The following FMNL3 variants were observed in gnomAD, a reference collection of about 807,000 sequenced individuals.
The protein encoded by FMNL3 is formin like 3.
A neutral mutation model predicts 119.6 loss-of-function variants in FMNL3; 57 were observed. That is an observed-to-expected ratio of 0.48 (90% CI 0.39 to 0.59). The LOEUF (loss-of-function observed/expected upper bound fraction) is 0.59, where lower values mean the gene tolerates loss of function less well. FMNL3 is among the 20% of genes least tolerant of loss of function. FMNL3 has a pLI of 0.00. For missense variants in FMNL3, 1,053 were observed against 1,323.5 expected (o/e 0.80, Z 3.17); for synonymous variants, 491 against 507.3 (o/e 0.97, Z 0.43).
Position 49,651,927 on chromosome 12 carries a change from G to C in FMNL3, c.1603+6C>G, listed in dbSNP as rs766208583. On this transcript the variant is annotated splice_donor_region_variant and intron_variant, in intron 14 of 25. Transcript: ENST00000335154. ...CCTGTTGGCTCCCAGGGGTCGTCGT[G>C]GTTACCTGGTAATGGGGGAGGTGGA... 16 of 1,579,334 alleles carry C rather than the reference G, an allele frequency of 1.0e-5. No homozygotes were observed. The Admixed American group carries it at 2.8e-4, about 28-fold the overall frequency.
intron 1 of FMNL3, among the ~76,000 whole-genome samples, chr12:49,684,724 A>G (rs1309959828): frequency 6.6e-6 from 1 of 152,210 alleles, no homozygotes; most frequent in Non-Finnish European, 1.5e-5. Flanking sequence ...CTATTGGACC[A>G]TCAATCTGGA....
At chr12:49,662,486 T>G (rs1327572543) in intron 4 of FMNL3, among the ~76,000 whole-genome samples, 1 of 152,122 alleles carries the variant, frequency 6.6e-6, no homozygotes, top group African/African-American at 2.4e-5. Flanking sequence ...GAAGCCTCAG[T>G]CAAGACCCCA....
intron 1 of FMNL3, among the ~76,000 whole-genome samples, chr12:49,705,573 C>T (rs1349477733): frequency 3.9e-5 from 6 of 152,170 alleles, no homozygotes; most frequent in African/African-American, 9.7e-5. Flanking sequence ...GTGCAGATCC[C>T]CTCCCACTCT....
In FMNL3 at chr12:49,639,018, A is replaced by G. The variant is rs996106233; in HGVS notation, c.*6797T>C. On this transcript the variant is annotated 3_prime_UTR_variant, in exon 26 of 26. Transcript: ENST00000335154. Reference sequence around the variant, plus strand: ...AATTACTTACCATTAGGTAAGATGTATCATACTGTCCTGAGGTATCCTCTC... The same window carrying G: ...AATTACTTACCATTAGGTAAGATGTGTCATACTGTCCTGAGGTATCCTCTC... 3.9e-4 allele frequency: 60 copies of G among 152,368 alleles called. No homozygotes were observed. The highest frequency in any genetic ancestry group is 1.4e-3 in the African/African-American group (58 of 41,590). The allele number at this position is 152,368 out of a possible 1,614,324, so 9.4% of individuals were successfully genotyped here.
In FMNL3 at chr12:49,649,223, C is replaced by T. The variant is rs764731396; in HGVS notation, c.2385+36G>A. On this transcript the variant is annotated intron_variant, in intron 20 of 25. Coordinates refer to ENST00000335154, the MANE Select transcript of FMNL3 (RefSeq NM_175736.5). This position sits in a 1 kb window ranked among gnomAD's most constrained non-coding sequence, Gnocchi z 5.6. ...CTCTGGCTCCACAACTGCTGCCCCC[C>T]AGGCTTCCTGGCCCACGCTGCCCTC... 6.2e-7 allele frequency: 1 copy of T among 1,613,702 alleles called. No homozygotes were observed. The highest frequency in any genetic ancestry group is 1.1e-5 in the South Asian group (1 of 91,014).
chr12:49,654,882 T>C (rs775018259), intron 10 of FMNL3, 28 bp downstream of exon 10: 1 of 1,609,038 alleles, frequency 6.2e-7, no homozygotes, highest in Non-Finnish European at 8.5e-7. Flanking sequence ...CTGGTGGGTA[T>C]GTGCTGGACC....
At position 49,645,845 on chromosome 12, in the gene FMNL3, A is replaced by T; in HGVS notation, c.3054T>A (p.Ser1018Arg). ...RHQARSAAPP[S>R]GPPRAPGPH is the part of the protein sequence containing the mutation. ...GGGGGCCTGGAGCCCGAGGGGGACC[A>T]CTGGGCGGTGCAGCACTCCTGGCTT... Residue 1018 changes from serine (S) to arginine (R), a missense_variant, in exon 26 of 26, where the codon AGT becomes AGA. This residue lies in a region of FMNL3 where 324 missense variants were observed against 380.9 expected (regional missense o/e 0.85). Coordinates refer to ENST00000335154, the MANE Select transcript of FMNL3 (RefSeq NM_175736.5). 1 of 1,606,752 alleles carries T rather than the reference A, an allele frequency of 6.2e-7. No homozygotes were observed. Among genetic ancestry groups the T allele is most frequent in the Non-Finnish European group, 8.5e-7 (1 of 1,177,564 alleles).
At position 49,643,267 on chromosome 12, in the gene FMNL3, G is replaced by A; in HGVS notation, c.*2548C>T. 6.2e-7 allele frequency: 1 copy of A among 1,614,014 alleles called. No individual in the cohort carries two copies. Among genetic ancestry groups the A allele is most frequent in the Non-Finnish European group, 8.5e-7 (1 of 1,179,996 alleles). ...AGGAGCTGCCCCCACCATCTCTCCG[G>A]CCCCCCAAGCGGAGGAGGCGGAACC... On this transcript the variant is annotated 3_prime_UTR_variant, in exon 26 of 26. Transcript: ENST00000335154.
In FMNL3 at chr12:49,657,099, C is replaced by A; in HGVS notation, c.697G>T (p.Ala233Ser). ...DVHVCILCLR[A>S]IMNYQYGFNL... is the part of the protein sequence containing the mutation. ...CCCCTTACCTGATAGTTCATGATGG[C>A]TCTGAGACAAAGGATACAGACGTGG... is the stretch of plus-strand genomic sequence containing the variant. The change falls in exon 7 of 26, where the codon GCC (alanine) becomes TCC (serine). Residue 233 changes from alanine (A) to serine (S), a missense_variant. This residue lies in a region of FMNL3 where 445 missense variants were observed against 628.4 expected (regional missense o/e 0.71). Coordinates refer to ENST00000335154, the MANE Select transcript of FMNL3 (RefSeq NM_175736.5). 2.5e-6 allele frequency: 4 copies of A among 1,614,150 alleles called. No homozygotes were observed. The highest frequency in any genetic ancestry group is 3.4e-6 in the Non-Finnish European group (4 of 1,180,016).
chr12:49,682,321 C>T (rs895166359), intron 1 of FMNL3, among the ~76,000 whole-genome samples: 2 of 151,552 alleles, frequency 1.3e-5, no homozygotes, highest in South Asian at 2.1e-4. Context: ...CCACCTGCCT[C>T]GGCCTCCCAA....
At chr12:49,671,273 G>C (rs530793763) in intron 1 of FMNL3, among the ~76,000 whole-genome samples, 1 of 152,372 alleles carries the variant, frequency 6.6e-6, no homozygotes, top group African/African-American at 2.4e-5. Context: ...GCACAGCAGG[G>C]ACCTGGTCAA....
chr12:49,682,613 T>C (rs575252396), intron 1 of FMNL3, among the ~76,000 whole-genome samples: 135 of 152,312 alleles, frequency 8.9e-4, no homozygotes, highest in African/African-American at 3.1e-3. Context: ...TCCCAAAACA[T>C]TGAAATCACA....
intron 1 of FMNL3, among the ~76,000 whole-genome samples, chr12:49,690,806 G>A (rs951761707): frequency 1.4e-4 from 22 of 152,262 alleles, no homozygotes; most frequent in African/African-American, 5.1e-4. Flanking sequence ...GGAGCTGGGC[G>A]CAGTGCCAGC....
At position 49,647,849 on chromosome 12, in the gene FMNL3, A is replaced by C; in HGVS notation, c.2677-45T>G. 3 of 1,464,220 alleles carry C rather than the reference A, an allele frequency of 2.0e-6. No individual in the cohort carries two copies. The highest frequency in any genetic ancestry group is 2.9e-6 in the Non-Finnish European group (3 of 1,045,328). The allele number at this position is 1,464,220 out of a possible 1,614,324, so 90.7% of individuals were successfully genotyped here. A position where few individuals can be genotyped will look rare whatever the true frequency, so the allele number is the denominator to read the frequency against. ...AATGGGTCACCCTGGCAGGAAGATC[A>C]GCCCAGCTCCCACACCACGGATGAG... On this transcript the variant is annotated intron_variant, in intron 22 of 25. Coordinates refer to ENST00000335154, the MANE Select transcript of FMNL3 (RefSeq NM_175736.5). This position sits in a 1 kb window ranked among gnomAD's most constrained non-coding sequence, Gnocchi z 4.9.
rs1337286004 is a variant in FMNL3 at position 49,643,134 on chromosome 12, T to A, written c.*2681A>T. 30 of 1,588,088 alleles carry A rather than the reference T, an allele frequency of 1.9e-5. No homozygotes were observed. Among genetic ancestry groups the A allele is most frequent in the Non-Finnish European group, 2.6e-5 (30 of 1,159,974 alleles). The stretch of plus-strand genomic sequence containing the variant: ...GGAAGTTTGAGGATTCCTTTGGCCC[T>A]GGGTCCTCCTCCTCTCTCGAATTCC... On this transcript the variant is annotated 3_prime_UTR_variant, in exon 26 of 26. Transcript: ENST00000335154.
At position 49,651,421 on chromosome 12, in the gene FMNL3, C is replaced by G; in HGVS notation, c.1633G>C (p.Gly545Arg). Residue 545 changes from glycine (G) to arginine (R), a missense_variant, in exon 15 of 26, where the codon GGT (glycine) becomes CGT (arginine). This residue lies in a region of FMNL3 where 445 missense variants were observed against 628.4 expected (regional missense o/e 0.71). Transcript: ENST00000335154. ...DKCPPAPPLP[G>R]AAPSVVLTVG... The stretch of plus-strand genomic sequence containing the variant: ...GTCAACACCACAGAGGGTGCAGCAC[C>G]AGGGAGAGGTGGGGCTGGGGGACAC... The G allele has an allele frequency of 6.7e-7, 1 of 1,503,626 alleles. No individual in the cohort carries two copies. The highest frequency in any genetic ancestry group is 2.3e-5 in the East Asian group (1 of 43,204). 93.1% of individuals were successfully genotyped at this position (1,503,626 alleles called of 1,614,324 possible).
intron 1 of FMNL3, among the ~76,000 whole-genome samples, chr12:49,675,118 G>A (rs978611999): frequency 1.3e-5 from 2 of 152,136 alleles, no homozygotes; most frequent in African/African-American, 2.4e-5. Flanking sequence ...CCTCATACCT[G>A]ACATGAGATA....
chr12:49,650,580 T>A, intron 17 of FMNL3, 96 bp downstream of exon 17: 1 of 1,383,988 alleles, frequency 7.2e-7, no homozygotes, highest in Non-Finnish European at 1.0e-6. Context: ...GGGAGTTCTG[T>A]CAGATGACCT....
chr12:49,702,863 T>C (rs1009557968), intron 1 of FMNL3, among the ~76,000 whole-genome samples: 19 of 152,178 alleles, frequency 1.2e-4, no homozygotes, highest in Non-Finnish European at 2.5e-4. Context: ...ATTTCCACCA[T>C]GGTGATTTGG....
Sources: gnomAD v4.1 joint callset for allele counts (sites outside exome capture counted in the v4.1 genomes callset) on GRCh38, gnomAD v4.1.1 for gene constraint, gnomAD v4.1.1 regional missense constraint, Gnocchi (gnomAD v3.1) non-coding constraint, MANE v1.5 for transcripts, NCBI Gene and HGNC (gene_info 2026-07-23, HGNC 2026-07-21) for gene names.